Variants in B3GALT1 observed in about 807,000 individuals in gnomAD.
B3GALT1 encodes beta-1,3-galactosyltransferase 1, also known as UDP-Gal:betaGlcNAc beta 1,3-galactosyltransferase, polypeptide 1.
A neutral mutation model predicts 23.2 loss-of-function variants in B3GALT1; 10 were observed. The observed-to-expected ratio is 0.43, with a 90% CI of 0.27 to 0.73. B3GALT1 has a LOEUF of 0.73. Ranked by LOEUF, B3GALT1 falls within the 30% of genes least tolerant of loss-of-function variation. The pLI, the probability that B3GALT1 is intolerant of heterozygous loss-of-function variation, is 0.21. For missense variants in B3GALT1, 299 were observed against 405.4 expected, an observed-to-expected ratio of 0.74 and a Z score of 2.25; for synonymous variants, 156 against 141.5, an observed-to-expected ratio of 1.10 and a Z score of -0.73.
chr2:167,564,129 G>T lies in B3GALT1; in HGVS notation c.-410+73852G>T, dbSNP rs1330813622. On this transcript the variant is annotated intron_variant, in intron 2 of 4. Coordinates refer to ENST00000392690, the MANE Select transcript of B3GALT1 (RefSeq NM_020981.4). ...GACGGGGCGGCTGCCTGGCGGAGGG[G>T]CTCCTCACTTCTCAGACGGGGCGGT... Among the ~76,000 whole-genome samples, 166 of 150,214 alleles carry T rather than the reference G, an allele frequency of 1.1e-3. 1 individual carries two copies. Among genetic ancestry groups the T allele is most frequent in the African/African-American group, 3.7e-3 (150 of 40,642 alleles).
intron 2 of B3GALT1, among the ~76,000 whole-genome samples, chr2:167,564,629 G>A (rs185417555): frequency 5.2e-4 from 79 of 152,312 alleles, no homozygotes; most frequent in African/African-American, 1.9e-3. Context: ...GGGAGGCCGA[G>A]GCCGGCGGAT....
intron 1 of B3GALT1, among the ~76,000 whole-genome samples, chr2:167,316,930 A>G (rs868258692): frequency 6.6e-6 from 1 of 152,132 alleles, no homozygotes; most frequent in Admixed American, 6.5e-5. Flanking sequence ...AGGGAATATC[A>G]TAGCACAGAT....
intron 2 of B3GALT1, among the ~76,000 whole-genome samples, chr2:167,630,178 C>G (rs542114561): frequency 2.0e-5 from 3 of 151,828 alleles, no homozygotes; most frequent in African/African-American, 7.2e-5. Flanking sequence ...ATTAGATACA[C>G]AAAATACACT....
chr2:167,445,093 T>A (rs959876154), intron 1 of B3GALT1, among the ~76,000 whole-genome samples: 6 of 152,226 alleles, frequency 3.9e-5, no homozygotes, highest in African/African-American at 1.2e-4. Flanking sequence ...TCAAAGAATA[T>A]CTTTATTTGT....
intron 2 of B3GALT1, among the ~76,000 whole-genome samples, chr2:167,619,351 A>G (rs1480449658): frequency 1.3e-5 from 2 of 152,026 alleles, no homozygotes; most frequent in African/African-American, 4.8e-5. Flanking sequence ...AATCATTTAT[A>G]GTATGTATAT....
chr2:167,345,081 A>G (rs942224074), intron 1 of B3GALT1, among the ~76,000 whole-genome samples: 4 of 152,196 alleles, frequency 2.6e-5, no homozygotes, highest in Non-Finnish European at 5.9e-5. Context: ...CTATGTGCCC[A>G]TTACTGCAGA....
At chr2:167,543,420 A>G (rs1199961124) in intron 2 of B3GALT1, among the ~76,000 whole-genome samples, 1 of 152,202 alleles carries the variant, frequency 6.6e-6, no homozygotes, top group East Asian at 1.9e-4. Context: ...TGCTTATGAC[A>G]TGATTATGCA....
chr2:167,512,633 T>C (rs1272030839), intron 2 of B3GALT1, among the ~76,000 whole-genome samples: 4 of 91,804 alleles, frequency 4.4e-5, no homozygotes, highest in South Asian at 4.1e-4. Flanking sequence ...TGTATATATA[T>C]ATACATATAT....
At chr2:167,767,041 A>G (rs1687989411) in intron 3 of B3GALT1, among the ~76,000 whole-genome samples, 1 of 152,194 alleles carries the variant, frequency 6.6e-6, no homozygotes, top group South Asian at 2.1e-4. Flanking sequence ...TGTTCAAAGC[A>G]GTGCTTCAGG....
At chr2:167,868,489 TAAA>T (rs71397619) in intron 4 of B3GALT1, among the ~76,000 whole-genome samples, 24,496 of 141,792 alleles carry the variant, frequency 0.17, 2,462 homozygotes, top group East Asian at 0.37. Context: ...ATGTCACTGT[TAAA>T]AAAAAAAAAA....
At chr2:167,663,448 C>A (rs554931061) in intron 3 of B3GALT1, among the ~76,000 whole-genome samples, 1 of 151,660 alleles carries the variant, frequency 6.6e-6, no homozygotes, top group African/African-American at 2.4e-5. Flanking sequence ...TATAGCAGCA[C>A]GATTTATAGT....
At chr2:167,642,801 G>T (rs1685677950) in intron 2 of B3GALT1, among the ~76,000 whole-genome samples, 1 of 152,118 alleles carries the variant, frequency 6.6e-6, no homozygotes, top group African/African-American at 2.4e-5. Flanking sequence ...TGCAAGAAGA[G>T]GGACTTCATA....
At chr2:167,626,240 C>A (rs774520458) in intron 2 of B3GALT1, among the ~76,000 whole-genome samples, 1 of 151,326 alleles carries the variant, frequency 6.6e-6, no homozygotes, top group African/African-American at 2.4e-5. Flanking sequence ...TTAAATAATA[C>A]GTTTATAAAT....
intron 2 of B3GALT1, among the ~76,000 whole-genome samples, chr2:167,589,190 C>T (rs956136801): frequency 1.3e-5 from 2 of 152,122 alleles, no homozygotes; most frequent in African/African-American, 4.8e-5. Context: ...AAACAATCCT[C>T]CCATTGCAGC....
At chr2:167,811,548 A>C (rs569501546) in intron 3 of B3GALT1, among the ~76,000 whole-genome samples, 1 of 152,170 alleles carries the variant, frequency 6.6e-6, no homozygotes, top group Admixed American at 6.6e-5. Context: ...TACTAGGCCT[A>C]TTGCTTGCCA....
At chr2:167,434,506 A>G (rs1462588167) in intron 1 of B3GALT1, among the ~76,000 whole-genome samples, 1 of 130,862 alleles carries the variant, frequency 7.6e-6, no homozygotes, top group Admixed American at 8.3e-5. Context: ...ATATCTCTCT[A>G]AAATGTAAGT....
At chr2:167,369,240 A>G (rs1158893718) in intron 1 of B3GALT1, among the ~76,000 whole-genome samples, 1 of 152,112 alleles carries the variant, frequency 6.6e-6, no homozygotes, top group African/African-American at 2.4e-5. Flanking sequence ...TGACATGTGC[A>G]TGACAGAATA....
intron 3 of B3GALT1, among the ~76,000 whole-genome samples, chr2:167,790,858 A>T (rs111471412): frequency 2.6e-5 from 4 of 152,314 alleles, no homozygotes; most frequent in African/African-American, 9.6e-5. Context: ...CTAAGCTACA[A>T]AAACACCAAG....
intron 1 of B3GALT1, among the ~76,000 whole-genome samples, chr2:167,322,591 A>G (rs1696830542): frequency 6.6e-6 from 1 of 152,028 alleles, no homozygotes; most frequent in African/African-American, 2.4e-5. Context: ...TGATTTGGAT[A>G]TTGAAAAGTA....
Sources: gnomAD v4.1 joint callset for allele counts (sites outside exome capture counted in the v4.1 genomes callset) on GRCh38, gnomAD v4.1.1 for gene constraint, MANE v1.5 for transcripts, NCBI Gene and HGNC (gene_info 2026-07-23, HGNC 2026-07-21) for gene names.